Variants in DNAH10 observed in about 807,000 individuals in gnomAD.
DNAH10 encodes axonemal beta dynein heavy chain 10.
DNAH10 carries 348 observed loss-of-function variants against 506.6 expected under a neutral mutation model. The observed-to-expected ratio is 0.69, with a 90% CI of 0.63 to 0.75. The LOEUF (loss-of-function observed/expected upper bound fraction) is 0.75, where lower values mean the gene tolerates loss of function less well. Among genes scored for constraint, DNAH10 ranks in the 30% least tolerant of loss-of-function variants. DNAH10 has a pLI of 0.00. For synonymous variants in DNAH10, 2,059 were observed against 2,198.6 expected, an observed-to-expected ratio of 0.94 and a Z score of 1.78; for missense variants, 5,179 against 5,787.1, an observed-to-expected ratio of 0.89 and a Z score of 3.41.
chr12:123,781,132 G>A lies in DNAH10; in HGVS notation c.674G>A (p.Gly225Glu). Residue 225 changes from glycine to glutamate, a missense_variant, in exon 6 of 79, where the codon GGA becomes GAA. Around this residue, in one of 3 missense-constraint regions of DNAH10, gnomAD observed 326 missense variants for 330.8 expected, o/e 0.99. Coordinates refer to ENST00000673944, the MANE Select transcript of DNAH10 (RefSeq NM_001372106.1). ...CAGCACAGGACGAGTACAACCGTGG[G>A]AGTCACATCTGGAGAAGTCTCTAAT... ...FNQHRTSTTV[G>E]VTSGEVSNSS... The A allele has an allele frequency of 6.2e-7, 1 of 1,613,982 alleles. No homozygotes were observed. The highest frequency in any genetic ancestry group is 8.5e-7 in the Non-Finnish European group (1 of 1,179,940).
chr12:123,930,546 GT>G lies in DNAH10; in HGVS notation c.12759del (p.Gly4254ValfsTer72). ...CAAGGAAGTGGACTACAAAATCCCT[GT>G]TGGTGATGAAAAGGAGAAATTTGTT... is the stretch of plus-strand genomic sequence containing the variant. ...RNKEVDYKIPVGDEKEKFVEA... is the reference protein window; with the variant it reads ...RNKEVDYKIPXGDEKEKFVEA... On this transcript the variant is annotated frameshift_variant, in exon 73 of 79. Coordinates refer to ENST00000673944, the MANE Select transcript of DNAH10 (RefSeq NM_001372106.1). LOFTEE classifies it high-confidence loss of function. The G allele has an allele frequency of 6.2e-7, 1 of 1,602,314 alleles. No individual in the cohort carries two copies. The highest frequency in any genetic ancestry group is 1.8e-5 in the Admixed American group (1 of 55,472).
Position 123,929,651 on chromosome 12 carries a change from CTCT to C in DNAH10, c.12517-8_12517-6del, listed in dbSNP as rs1478451140. 1 of 1,610,288 alleles carries C rather than the reference CTCT, an allele frequency of 6.2e-7. No homozygotes were observed. On this transcript the variant is annotated splice_polypyrimidine_tract_variant and intron_variant, in intron 71 of 78. Coordinates refer to ENST00000673944, the MANE Select transcript of DNAH10 (RefSeq NM_001372106.1). ...GGGTTTCAGTATAACTGAGCGTGTT[CTCT>C]TCTTTCAAGGTCTGCATGGAAATTC...
chr12:123,781,446 G>A, intron 6 of DNAH10, 147 bp downstream of exon 6: 1 of 771,526 alleles, frequency 1.3e-6, no homozygotes. Context: ...TGTCGCTCAG[G>A]CTGGCAAAAA....
chr12:123,785,271 A>G lies in DNAH10; in HGVS notation c.1231-475A>G, dbSNP rs1463617527. Among the ~76,000 whole-genome samples the G allele has an allele frequency of 3.3e-5, 5 of 152,148 alleles. No individual in the cohort carries two copies. The highest frequency in any genetic ancestry group is 1.5e-5 in the Non-Finnish European group (1 of 68,016). ...TGTTATCGTCTTTCTGATAATAGCC[A>G]TTGTGGTTTAATTTGCATTTCCTTA... On this transcript the variant is annotated intron_variant, in intron 8 of 78. Transcript: ENST00000673944. This position sits in a 1 kb window ranked among gnomAD's most constrained non-coding sequence, Gnocchi z 4.1.
chr12:123,843,901 G>GC (rs1245843037), intron 30 of DNAH10, among the ~76,000 whole-genome samples: 8 of 152,214 alleles, frequency 5.3e-5, no homozygotes, highest in Non-Finnish European at 1.0e-4. Context: ...AATTTATTTT[G>GC]CCATTAACTG....
At chr12:123,838,373 T>G in intron 28 of DNAH10, 83 bp from the exon 29 acceptor site, 1 of 1,261,876 alleles carries the variant, frequency 7.9e-7, no homozygotes, top group Non-Finnish European at 1.1e-6. Flanking sequence ...TGGGCTCTGG[T>G]GAGTGCCTGT....
chr12:123,906,255 T>C (rs1953775593), intron 57 of DNAH10, among the ~76,000 whole-genome samples: 1 of 149,596 alleles, frequency 6.7e-6, no homozygotes, highest in Admixed American at 6.7e-5. Flanking sequence ...TTAAATTTAT[T>C]TTTTGAGACA....
At chr12:123,877,521 G>T (rs772002674) in intron 47 of DNAH10, among the ~76,000 whole-genome samples, 1 of 152,022 alleles carries the variant, frequency 6.6e-6, no homozygotes, top group Non-Finnish European at 1.5e-5. Flanking sequence ...TCACCGTGTT[G>T]GTCAGGCTGG....
chr12:123,890,791 G>C (rs995020782), intron 52 of DNAH10, among the ~76,000 whole-genome samples: 1 of 152,162 alleles, frequency 6.6e-6, no homozygotes, highest in South Asian at 2.1e-4. Flanking sequence ...ACGGGACTTC[G>C]ATCGATTTGG....
At chr12:123,884,243 C>T (rs138997898) in intron 51 of DNAH10, among the ~76,000 whole-genome samples, 1,809 of 152,302 alleles carry the variant, frequency 0.012, 39 homozygotes, top group African/African-American at 0.041. Flanking sequence ...CCATGTTGGC[C>T]AGGATGGTCT....
rs370413356 is a variant in DNAH10 at position 123,803,823 on chromosome 12, C to A, written c.2777C>A (p.Pro926Gln). The A allele has an allele frequency of 5.0e-6, 8 of 1,609,646 alleles. No individual in the cohort carries two copies. In the African/African-American group the frequency reaches 6.7e-5, roughly 13 times the overall value. The change falls in exon 17 of 79, where the codon CCA becomes CAA. Residue 926 changes from proline (P) to glutamine (Q), a missense_variant and splice_region_variant. Coordinates refer to ENST00000673944, the MANE Select transcript of DNAH10 (RefSeq NM_001372106.1). ...GCCGCTAAAAGTGAGGAAGAACTCC[C>A]AGGTAGATCTGACTTCTGGGTTCTC... is the stretch of plus-strand genomic sequence containing the variant. The part of the protein sequence containing the change: ...YPAAKSEEEL[P>Q]GVKEFFEHIE...
chr12:123,844,093 C>A (rs11833130), intron 30 of DNAH10, among the ~76,000 whole-genome samples: 14,219 of 151,936 alleles, frequency 0.094, 1,782 homozygotes, highest in African/African-American at 0.29. Context: ...ACAGTCATGG[C>A]GGAAGACAAA....
intron 18 of DNAH10, 151 bp downstream of exon 18, chr12:123,805,191 G>A (rs1477371978): frequency 2.6e-6 from 2 of 774,120 alleles, no homozygotes; most frequent in Non-Finnish European, 4.1e-6. Context: ...CAGAATGGGG[G>A]GATGACCTTC....
At position 123,907,589 on chromosome 12, in the gene DNAH10, G is replaced by A. The variant is rs562775266; in HGVS notation, c.9816-1672G>A. On this transcript the variant is annotated intron_variant, in intron 57 of 78. Transcript: ENST00000673944. This position sits in a 1 kb window ranked among gnomAD's most constrained non-coding sequence, Gnocchi z 4.4. The stretch of plus-strand genomic sequence containing the variant: ...GTAGACTCAGAGGATTTGGGAACTG[G>A]AAGGTTCCAGTTCTGCGTCTCTACT... Among the ~76,000 whole-genome samples, 13 of 152,308 alleles carry A rather than the reference G, an allele frequency of 8.5e-5. No homozygotes were observed. The East Asian group carries it at 1.4e-3, about 16-fold the overall frequency.
intron 10 of DNAH10, among the ~76,000 whole-genome samples, chr12:123,789,109 G>A (rs1173959177): frequency 5.3e-5 from 8 of 151,924 alleles, no homozygotes; most frequent in Middle Eastern, 3.4e-3. Flanking sequence ...TTAGCTGGGC[G>A]TGGTGGCGGG....
chr12:123,872,200 G>A (rs1952062329), intron 45 of DNAH10, among the ~76,000 whole-genome samples: 1 of 152,126 alleles, frequency 6.6e-6, no homozygotes, highest in South Asian at 2.1e-4. Flanking sequence ...AGCCAGCTAT[G>A]TGTCCAATGT....
In DNAH10 at chr12:123,865,962, A is replaced by G; in HGVS notation, c.7056A>G (p.Leu2352=). 1.2e-6 allele frequency: 2 copies of G among 1,604,152 alleles called. No individual in the cohort carries two copies. Among genetic ancestry groups the G allele is most frequent in the Non-Finnish European group, 1.7e-6 (2 of 1,176,808 alleles). ...CTTTATTTATCCAGGTTGGAGATTT[A>G]CAGTATGCCTCCCCTGCAACTGTCT... The part of the protein sequence containing the change: ...HCALLFEVGD[L]QYASPATVSR... The change falls in exon 41 of 79, where the codon TTA becomes TTG. Residue 2352 remains leucine (L), a synonymous_variant. Transcript: ENST00000673944.
At position 123,781,305 on chromosome 12, in the gene DNAH10, G is replaced by T. The variant is rs374332886; in HGVS notation, c.841+6G>T. ...AACCATGCAGCAACTTGAAGGTAAG[G>T]TTTCATTTTCCTCCTTTTTAGTTAA... On this transcript the variant is annotated splice_donor_region_variant and intron_variant, in intron 6 of 78. Coordinates refer to ENST00000673944, the MANE Select transcript of DNAH10 (RefSeq NM_001372106.1). 22 of 1,606,586 alleles carry T rather than the reference G, an allele frequency of 1.4e-5. No homozygotes were observed. Among genetic ancestry groups the T allele is most frequent in the African/African-American group, 1.1e-4 (8 of 74,710 alleles).
At position 123,907,168 on chromosome 12, in the gene DNAH10, G is replaced by A. The variant is rs1345989845; in HGVS notation, c.9816-2093G>A. On this transcript the variant is annotated intron_variant, in intron 57 of 78. Coordinates refer to ENST00000673944, the MANE Select transcript of DNAH10 (RefSeq NM_001372106.1). This position sits in a 1 kb window ranked among gnomAD's most constrained non-coding sequence, Gnocchi z 4.4. ...ATGTAGGATTAGGTTAGGAAGGAAAGGTCCTTGCTGCTCTGACAGTGGATG... is the reference window on the plus strand; with the variant it reads ...ATGTAGGATTAGGTTAGGAAGGAAAAGTCCTTGCTGCTCTGACAGTGGATG... Among the ~76,000 whole-genome samples the A allele has an allele frequency of 6.6e-6, 1 of 152,208 alleles. No individual in the cohort carries two copies. Among genetic ancestry groups the A allele is most frequent in the Non-Finnish European group, 1.5e-5 (1 of 68,046 alleles).
Sources: allele counts gnomAD v4.1 joint callset (sites outside exome capture counted in the v4.1 genomes callset), GRCh38; gene constraint gnomAD v4.1.1; regional missense constraint gnomAD v4.1.1; non-coding constraint Gnocchi (gnomAD v3.1); transcripts MANE v1.5; gene names NCBI Gene and HGNC (gene_info 2026-07-23, HGNC 2026-07-21).